DDX59: variants seen among roughly 807,000 people sequenced by gnomAD.
DDX59 encodes probable ATP-dependent RNA helicase DDX59.
In DDX59, 30 loss-of-function variants were observed where a neutral mutation model predicts 51.9. The ratio of observed to expected loss-of-function variants is 0.58; its 90% CI spans 0.43 to 0.78. The LOEUF (loss-of-function observed/expected upper bound fraction) is 0.78, where lower values mean the gene tolerates loss of function less well. Among genes scored for constraint, DDX59 ranks in the 30% least tolerant of loss-of-function variants. DDX59 has a pLI of 0.00. For missense variants in DDX59, 672 were observed against 730.8 expected (o/e 0.92, Z 0.93); for synonymous variants, 255 against 253.3 (o/e 1.01, Z -0.06).
chr1:200,650,814 G>C (rs577337853), intron 4 of DDX59, 138 bp from the exon 5 acceptor site: 70 of 699,446 alleles, frequency 1.0e-4, no homozygotes, highest in East Asian at 6.0e-4. Context: ...CAAGAGAACT[G>C]GAAAAATATG....
chr1:200,659,107 C>T lies in DDX59; in HGVS notation c.982G>A (p.Ala328Thr). 6.2e-7 allele frequency: 1 copy of T among 1,611,724 alleles called. No individual in the cohort carries two copies. The highest frequency in any genetic ancestry group is 8.5e-7 in the Non-Finnish European group (1 of 1,178,704). Residue 328 changes from alanine (A) to threonine (T), a missense_variant, in exon 4 of 8, where the codon GCA (alanine) becomes ACA (threonine). Physicochemically the swap from Ala to Thr is moderately conservative, Grantham distance 58. Transcript: ENST00000331314. ...ATATCCAGAAGTCGCCCAGGGGTTG[C>T]TATGATAACCTAAATAAAAGAGAAA... is the stretch of plus-strand genomic sequence containing the variant. ...RLQQHVKVII[A>T]TPGRLLDIIK... is the part of the protein sequence containing the mutation.
At chr1:200,647,634 CAT>C (rs1277118552) in intron 7 of DDX59, among the ~76,000 whole-genome samples, 1 of 150,302 alleles carries the variant, frequency 6.7e-6, no homozygotes, top group Non-Finnish European at 1.5e-5. Context: ...AGTTTTTATA[CAT>C]ACTTACCTTT....
intron 4 of DDX59, among the ~76,000 whole-genome samples, chr1:200,658,596 T>G (rs1662180791): frequency 6.6e-6 from 1 of 152,140 alleles, no homozygotes; most frequent in South Asian, 2.1e-4. Context: ...CTCAGGAGGC[T>G]GAGGTGGGTG....
chr1:200,663,443 A>C (rs1195834817), intron 3 of DDX59, among the ~76,000 whole-genome samples: 1 of 152,270 alleles, frequency 6.6e-6, no homozygotes, highest in Non-Finnish European at 1.5e-5. Context: ...AGCTAGAATC[A>C]GACCACATTG....
At chr1:200,658,439 A>G (rs1662171193) in intron 4 of DDX59, among the ~76,000 whole-genome samples, 1 of 152,332 alleles carries the variant, frequency 6.6e-6, no homozygotes, top group South Asian at 2.1e-4. Flanking sequence ...TCATGCCTAT[A>G]ATCCCAGTAC....
intron 4 of DDX59, among the ~76,000 whole-genome samples, chr1:200,653,765 A>C (rs1395578353): frequency 6.6e-6 from 1 of 152,094 alleles, no homozygotes; most frequent in Non-Finnish European, 1.5e-5. Flanking sequence ...CCTTGTTGGC[A>C]CCTGGCTGAA....
rs1404762672 is a variant in DDX59, at chr1:200,664,039, G to A, written c.852C>T (p.Ala284=). The A allele has an allele frequency of 1.9e-6, 3 of 1,614,186 alleles. No homozygotes were observed. In the Admixed American group the frequency reaches 5.0e-5, roughly 27 times the overall value. ...CTTTAGCTTGTCTCTCTATCTGAAT[G>A]GCTAACTCTCTGGTTGGTGTAAGAA... The part of the protein sequence containing the change: ...ALILTPTREL[A]IQIERQAKEL... The change falls in exon 3 of 8, where the codon GCC becomes GCT. Residue 284 remains alanine (A), a synonymous_variant. Coordinates refer to ENST00000331314, the MANE Select transcript of DDX59 (RefSeq NM_001031725.6).
intron 1 of DDX59, chr1:200,669,475 C>G (rs1450633702): frequency 6.6e-6 from 1 of 152,442 alleles, no homozygotes; most frequent in African/African-American, 2.4e-5. Context: ...GCGGCGCGGC[C>G]TCCAATTCTC....
chr1:200,650,662 T>C lies in DDX59; in HGVS notation c.1077A>G (p.Leu359=), dbSNP rs2102858601. The C allele has an allele frequency of 3.1e-6, 5 of 1,611,680 alleles. No individual in the cohort carries two copies. Among genetic ancestry groups the C allele is most frequent in the Non-Finnish European group, 4.2e-6 (5 of 1,178,192 alleles). ...GCACTTGTTGTTGAAAACCCATCTT[T>C]AACATGGTATCAGCCTAAAATAAAA... ...IVVVDEADTM[L]KMGFQQQVLD... Residue 359 remains leucine (L), a synonymous_variant, in exon 5 of 8, where the codon TTA becomes TTG. Transcript: ENST00000331314.
chr1:200,659,616 T>C (rs1210777891), intron 3 of DDX59, among the ~76,000 whole-genome samples: 1 of 152,254 alleles, frequency 6.6e-6, no homozygotes, highest in Non-Finnish European at 1.5e-5. Context: ...ATTTCATTTT[T>C]AAATTAAGAG....
intron 4 of DDX59, 40 bp from the exon 5 acceptor site, chr1:200,650,716 T>C: frequency 6.6e-7 from 1 of 1,524,690 alleles, no homozygotes; most frequent in Non-Finnish European, 8.8e-7. Context: ...TGTTTGACAT[T>C]AAAACCCAGA....
At chr1:200,662,731 C>T (rs58787821) in intron 3 of DDX59, among the ~76,000 whole-genome samples, 18,070 of 152,160 alleles carry the variant, frequency 0.12, 1,569 homozygotes, top group East Asian at 0.42. Context: ...GCTACTTATG[C>T]GTTTGAATTA....
Position 200,666,289 on chromosome 1 carries a change from G to A in DDX59, c.452C>T (p.Pro151Leu), listed in dbSNP as rs1262973181. Reference protein sequence around the residue: ...EKEEKSKLSNPQKADSEPESP... With the variant: ...EKEEKSKLSNLQKADSEPESP... ...CTCTGGCTCAGAATCAGCCTTCTGT[G>A]GATTGCTGAGTTTTGATTTCTCTTC... The change falls in exon 2 of 8, where the codon CCA becomes CTA. Residue 151 changes from proline (P) to leucine (L), a missense_variant. By Grantham distance (98) the Pro-to-Leu change is moderately conservative (BLOSUM62 -3). Coordinates refer to ENST00000331314, the MANE Select transcript of DDX59 (RefSeq NM_001031725.6). 2 of 1,614,162 alleles carry A rather than the reference G, an allele frequency of 1.2e-6. No individual in the cohort carries two copies. The highest frequency in any genetic ancestry group is 2.2e-5 in the South Asian group (2 of 91,082).
chr1:200,651,925 G>A (rs182891527), intron 4 of DDX59, among the ~76,000 whole-genome samples: 4 of 151,010 alleles, frequency 2.6e-5, no homozygotes, highest in African/African-American at 7.3e-5. Flanking sequence ...GGAGGATGGC[G>A]TGAACCCGAG....
chr1:200,648,402 C>A (rs775364291), intron 7 of DDX59, 37 bp downstream of exon 7: 2 of 1,609,354 alleles, frequency 1.2e-6, no homozygotes, highest in South Asian at 2.2e-5. Flanking sequence ...CAATAAAACT[C>A]GTGAACAAAA....
intron 7 of DDX59, 68 bp downstream of exon 7, chr1:200,648,371 T>C (rs972864253): frequency 1.7e-5 from 27 of 1,594,082 alleles, no homozygotes; most frequent in Non-Finnish European, 2.2e-5. Context: ...AACTTGGTTA[T>C]CACATTGACA....
At position 200,649,114 on chromosome 1, in the gene DDX59, T is replaced by C. The variant is rs761114437; in HGVS notation, c.1427A>G (p.His476Arg). 6.4e-6 allele frequency: 10 copies of C among 1,572,194 alleles called. No individual in the cohort carries two copies. The highest frequency in any genetic ancestry group is 8.6e-6 in the Non-Finnish European group (10 of 1,166,944). ...KITGLKSISI[H>R]SEKSQIERKN... ...CCTTTCTATTTGCGACTTCTCTGAATGTATAGATATGCTTTTCAGCCCTGT... is the reference window on the plus strand; with the variant it reads ...CCTTTCTATTTGCGACTTCTCTGAACGTATAGATATGCTTTTCAGCCCTGT... The change falls in exon 6 of 8, where the codon CAT (histidine) becomes CGT (arginine). Residue 476 changes from histidine (H) to arginine (R), a missense_variant. His to Arg is a conservative substitution (Grantham distance 29, BLOSUM62 0). Transcript: ENST00000331314.
At position 200,665,989 on chromosome 1, in the gene DDX59, G is replaced by A. The variant is rs1370970872; in HGVS notation, c.752C>T (p.Ser251Leu). The A allele has an allele frequency of 6.2e-7, 1 of 1,612,184 alleles. No individual in the cohort carries two copies. Among genetic ancestry groups the A allele is most frequent in the African/African-American group, 1.3e-5 (1 of 74,780 alleles). ...RDILASADTG[S>L]GKTAAFLLPV... ...AAGAAGAAAAGCAGCTGTTTTTCCTGAGCCAGTATCTGCACTGGCCAGAAT... is the reference window on the plus strand; with the variant it reads ...AAGAAGAAAAGCAGCTGTTTTTCCTAAGCCAGTATCTGCACTGGCCAGAAT... Residue 251 changes from serine to leucine, a missense_variant, in exon 2 of 8, where the codon TCA (serine) becomes TTA (leucine). Ser to Leu is a moderately radical substitution (Grantham distance 145, BLOSUM62 -2). Transcript: ENST00000331314.
intron 3 of DDX59, 47 bp from the exon 4 acceptor site, chr1:200,659,163 TTTCA>T: frequency 7.1e-7 from 1 of 1,407,926 alleles, no homozygotes; most frequent in Non-Finnish European, 1.0e-6. Context: ...TAATAGCTAT[TTTCA>T]TTCATTCATT....
Sources: gnomAD v4.1 joint callset for allele counts (sites outside exome capture counted in the v4.1 genomes callset) on GRCh38, gnomAD v4.1.1 for gene constraint, MANE v1.5 for transcripts, NCBI Gene and HGNC (gene_info 2026-07-23, HGNC 2026-07-21) for gene names.